RAD18: variants seen among roughly 807,000 people sequenced by gnomAD.
RAD18 encodes the protein RAD18 E3 ubiquitin protein ligase.
RAD18 carries 47 observed loss-of-function variants against 60.4 expected under a neutral mutation model. The observed-to-expected ratio is 0.78, with a 90% CI of 0.62 to 0.99. The LOEUF (loss-of-function observed/expected upper bound fraction) is 0.99. Ranked by LOEUF, RAD18 falls within the 50% of genes least tolerant of loss-of-function variation. The probability of loss-of-function intolerance (pLI) is 0.00; values close to 1 mark genes in which losing one functional copy is unlikely to be tolerated. For synonymous variants in RAD18, 225 were observed against 195.5 expected, an observed-to-expected ratio of 1.15 and a Z score of -1.26; for missense variants, 640 against 593.3, an observed-to-expected ratio of 1.08 and a Z score of -0.82.
intron 9 of RAD18, among the ~76,000 whole-genome samples, chr3:8,909,231 C>A (rs1328609648): frequency 6.6e-6 from 1 of 152,124 alleles, no homozygotes; most frequent in Non-Finnish European, 1.5e-5. Flanking sequence ...GAGAGGTAGG[C>A]AGGTCCAGAT....
At chr3:8,928,902 C>G (rs73810720) in intron 7 of RAD18, among the ~76,000 whole-genome samples, 1 of 152,072 alleles carries the variant, frequency 6.6e-6, no homozygotes, top group African/African-American at 2.4e-5. Context: ...AGAACAGGTT[C>G]TTTGGCCAAC....
At chr3:8,942,917 T>C (rs1940778005) in intron 4 of RAD18, among the ~76,000 whole-genome samples, 2 of 152,322 alleles carry the variant, frequency 1.3e-5, no homozygotes, top group Non-Finnish European at 2.9e-5. Flanking sequence ...AGTTAGTTGT[T>C]CGCATTGGAG....
At chr3:8,947,903 AC>A (rs1940862126) in intron 3 of RAD18, among the ~76,000 whole-genome samples, 1 of 152,188 alleles carries the variant, frequency 6.6e-6, no homozygotes, top group Non-Finnish European at 1.5e-5. Context: ...CCACATACCT[AC>A]CAGAGAGGCA....
chr3:8,910,530 C>T (rs1010646188), intron 9 of RAD18, among the ~76,000 whole-genome samples: 1 of 152,012 alleles, frequency 6.6e-6, no homozygotes, highest in Non-Finnish European at 1.5e-5. Flanking sequence ...ATGGCGTGAA[C>T]CCAGGAGGCA....
intron 2 of RAD18, among the ~76,000 whole-genome samples, chr3:8,954,494 C>T (rs1009036334): frequency 5.3e-5 from 8 of 152,238 alleles, no homozygotes; most frequent in Non-Finnish European, 7.4e-5. Context: ...TTAGCAAGAC[C>T]ATTTCTCACT....
intron 1 of RAD18, among the ~76,000 whole-genome samples, chr3:8,963,021 T>A (rs1222175608): frequency 1.3e-5 from 2 of 152,256 alleles, no homozygotes; most frequent in Non-Finnish European, 2.9e-5. Context: ...AAGCTTTCAG[T>A]AAAGAACAGC....
At chr3:8,931,587 G>T (rs377012) in intron 7 of RAD18, 85,564 of 152,026 alleles carry the variant, frequency 0.56, 28,363 homozygotes, top group Middle Eastern at 0.73. Context: ...TACACTCAGT[G>T]TTCAGAAAAC....
intron 4 of RAD18, among the ~76,000 whole-genome samples, chr3:8,946,462 C>G (rs1168459907): frequency 6.6e-6 from 1 of 152,234 alleles, no homozygotes; most frequent in Non-Finnish European, 1.5e-5. Context: ...ACAGGGGCAC[C>G]TGACCACTAT....
At chr3:8,940,284 GAAC>G (rs1256157451) in intron 5 of RAD18, among the ~76,000 whole-genome samples, 2 of 152,028 alleles carry the variant, frequency 1.3e-5, no homozygotes, top group Admixed American at 6.6e-5. Flanking sequence ...AGGTGGAACA[GAAC>G]AATCTGTTTT....
At chr3:8,957,401 ATGCCT>A (rs1941032403) in intron 2 of RAD18, among the ~76,000 whole-genome samples, 2 of 152,366 alleles carry the variant, frequency 1.3e-5, no homozygotes, top group Admixed American at 1.3e-4. Context: ...AGGACTTACA[ATGCCT>A]GACTTCAAGA....
chr3:8,920,083 C>T (rs1162586910), intron 7 of RAD18, among the ~76,000 whole-genome samples: 1 of 152,102 alleles, frequency 6.6e-6, no homozygotes, highest in Non-Finnish European at 1.5e-5. Flanking sequence ...GAGATTGAGA[C>T]CTTCCTGGCT....
intron 2 of RAD18, among the ~76,000 whole-genome samples, chr3:8,948,893 C>G (rs1940881850): frequency 6.6e-6 from 1 of 152,130 alleles, no homozygotes; most frequent in Non-Finnish European, 1.5e-5. Flanking sequence ...GATATCTCTA[C>G]TGCTTATCAT....
At chr3:8,898,132 G>A (rs1939825812) in intron 11 of RAD18, among the ~76,000 whole-genome samples, 1 of 152,086 alleles carries the variant, frequency 6.6e-6, no homozygotes, top group South Asian at 2.1e-4. Flanking sequence ...ATAGCATCAG[G>A]TACATAAGTA....
chr3:8,902,982 C>T (rs58148780), intron 9 of RAD18, among the ~76,000 whole-genome samples: 21,079 of 151,264 alleles, frequency 0.14, 1,786 homozygotes, highest in East Asian at 0.23. Context: ...CCCGAGATTG[C>T]ACCACTGCAC....
chr3:8,919,035 A>T (rs908155852), intron 7 of RAD18, among the ~76,000 whole-genome samples: 1 of 152,242 alleles, frequency 6.6e-6, no homozygotes, highest in African/African-American at 2.4e-5. Flanking sequence ...TGTGCAGGGC[A>T]TCCCCGACCA....
At chr3:8,898,155 A>ATTC (rs766335394) in intron 11 of RAD18, among the ~76,000 whole-genome samples, 30 of 152,210 alleles carry the variant, frequency 2.0e-4, no homozygotes, top group Non-Finnish European at 4.0e-4. Context: ...ACACTGGGAA[A>ATTC]AATGTAGAGC....
intron 2 of RAD18, among the ~76,000 whole-genome samples, chr3:8,955,033 A>G (rs1186167524): frequency 2.6e-5 from 4 of 152,228 alleles, no homozygotes; most frequent in Non-Finnish European, 5.9e-5. Context: ...AGTGACAGCT[A>G]TAAGTCATGA....
chr3:8,879,770 G>A lies in RAD18; in HGVS notation c.*1587C>T, dbSNP rs1939425914. The A allele has an allele frequency of 6.6e-6, 1 of 152,236 alleles. No individual in the cohort carries two copies. Among genetic ancestry groups the A allele is most frequent in the Non-Finnish European group, 1.5e-5 (1 of 68,036 alleles). The allele number at this position is 152,236 out of a possible 1,614,324, so 9.4% of individuals were successfully genotyped here. The stretch of plus-strand genomic sequence containing the variant: ...CCTTTGTATTCCCAGTGTCAGCACA[G>A]TGACAGACATAGATAACCAAATATT... On this transcript the variant is annotated 3_prime_UTR_variant, in exon 13 of 13. Coordinates refer to ENST00000264926, the MANE Select transcript of RAD18 (RefSeq NM_020165.4).
chr3:8,956,768 C>T (rs571795708), intron 2 of RAD18, among the ~76,000 whole-genome samples: 9 of 101,198 alleles, frequency 8.9e-5, no homozygotes, highest in African/African-American at 4.9e-4. Flanking sequence ...AAAATCCTCT[C>T]GCCTAACCAG....
Sources: gnomAD v4.1 joint callset for allele counts (sites outside exome capture counted in the v4.1 genomes callset) on GRCh38, gnomAD v4.1.1 for gene constraint, MANE v1.5 for transcripts, NCBI Gene and HGNC (gene_info 2026-07-23, HGNC 2026-07-21) for gene names.